The following UGCG variants were observed in gnomAD, a reference collection of about 807,000 sequenced individuals.
UGCG encodes UDP-glucose ceramide glucosyltransferase.
Under a neutral mutation model 49.5 loss-of-function variants are expected in UGCG, and 10 were observed. The observed-to-expected ratio is 0.20, with a 90% confidence interval of 0.12 to 0.34. The LOEUF (loss-of-function observed/expected upper bound fraction) is 0.34, where lower values mean the gene tolerates loss of function less well. UGCG is among the 10% of genes least tolerant of loss of function. UGCG has a pLI of 1.00. For missense variants in UGCG, 312 were observed against 483.7 expected, an observed-to-expected ratio of 0.65 and a Z score of 3.33; for synonymous variants, 182 against 158.2, an observed-to-expected ratio of 1.15 and a Z score of -1.13.
intron 1 of UGCG, among the ~76,000 whole-genome samples, chr9:111,901,597 G>A (rs187429925): frequency 2.0e-5 from 3 of 152,156 alleles, no homozygotes; most frequent in Non-Finnish European, 4.4e-5. Flanking sequence ...TAATACCTCG[G>A]TGATGGGATG....
At chr9:111,900,060 G>T (rs1316547155) in intron 1 of UGCG, among the ~76,000 whole-genome samples, 1 of 151,452 alleles carries the variant, frequency 6.6e-6, no homozygotes, top group Admixed American at 6.6e-5. Context: ...TGAGATTGAA[G>T]ATTTCCTAAA....
intron 1 of UGCG, among the ~76,000 whole-genome samples, chr9:111,906,545 T>C (rs1837887940): frequency 6.6e-6 from 1 of 152,204 alleles, no homozygotes; most frequent in Non-Finnish European, 1.5e-5. Flanking sequence ...TTCTCCTGCC[T>C]CAGCCTCCCG....
At chr9:111,910,340 A>C (rs1837973227) in intron 1 of UGCG, among the ~76,000 whole-genome samples, 1 of 152,206 alleles carries the variant, frequency 6.6e-6, no homozygotes, top group Non-Finnish European at 1.5e-5. Context: ...GTAGTTTAAT[A>C]GCACTTAAGG....
At chr9:111,931,492 T>G in intron 7 of UGCG, 135 bp downstream of exon 7, 1 of 713,172 alleles carries the variant, frequency 1.4e-6, no homozygotes, top group Non-Finnish European at 2.3e-6. Flanking sequence ...GAAAATAGAG[T>G]TTAACGTCTG....
chr9:111,902,535 A>G (rs1027441219), intron 1 of UGCG, among the ~76,000 whole-genome samples: 1 of 152,236 alleles, frequency 6.6e-6, no homozygotes, highest in Non-Finnish European at 1.5e-5. Context: ...GTCACTGGAA[A>G]TTGCTGGCAT....
intron 6 of UGCG, among the ~76,000 whole-genome samples, chr9:111,930,386 A>G (rs1838403729): frequency 6.6e-6 from 1 of 152,110 alleles, no homozygotes; most frequent in Non-Finnish European, 1.5e-5. Context: ...TCAGTGAATT[A>G]TATGATACTT....
In UGCG at chr9:111,929,677, C is replaced by T. The variant is rs1838385825; in HGVS notation, c.736C>T (p.Arg246Ter). The change falls in exon 6 of 9, where the codon CGA (arginine) becomes TGA (stop). Residue 246 changes from arginine (R) to a stop codon, truncating the protein, a stop_gained and splice_region_variant. Transcript: ENST00000374279. LOFTEE classifies it high-confidence loss of function. ...CTTTATGGCCAAAGCGATAGCTGAC[C>T]GGTAAGACAACTAAATGAAGCCATA... Reference protein sequence around the residue: ...DYFMAKAIADRGWRFAMSTQV... With the variant: ...DYFMAKAIAD 1 of 1,612,044 alleles carries T rather than the reference C, an allele frequency of 6.2e-7. No homozygotes were observed. The highest frequency in any genetic ancestry group is 8.5e-7 in the Non-Finnish European group (1 of 1,179,470).
At chr9:111,900,054 A>G (rs1052279839) in intron 1 of UGCG, among the ~76,000 whole-genome samples, 6 of 152,114 alleles carry the variant, frequency 3.9e-5, no homozygotes, top group Non-Finnish European at 8.8e-5. Context: ...TATTGTTGAG[A>G]TTGAAGATTT....
intron 4 of UGCG, among the ~76,000 whole-genome samples, chr9:111,925,990 T>G (rs1190209753): frequency 1.3e-5 from 2 of 152,226 alleles, no homozygotes; most frequent in African/African-American, 2.4e-5. Flanking sequence ...TAGTCTCATT[T>G]CCTATGGTTG....
At chr9:111,902,411 T>C (rs889083447) in intron 1 of UGCG, among the ~76,000 whole-genome samples, 1 of 152,232 alleles carries the variant, frequency 6.6e-6, no homozygotes, top group Non-Finnish European at 1.5e-5. Context: ...GAAGCCCATT[T>C]TGAAGCAATA....
intron 2 of UGCG, among the ~76,000 whole-genome samples, chr9:111,919,712 G>A (rs905466784): frequency 9.8e-5 from 14 of 142,684 alleles, no homozygotes; most frequent in Admixed American, 5.6e-4. Flanking sequence ...GGAGAATGGC[G>A]TGAACCCTGG....
In UGCG at chr9:111,899,028, A is replaced by G. The variant is rs1038346043; in HGVS notation, c.98+1715A>G. Among the ~76,000 whole-genome samples the G allele has an allele frequency of 3.9e-5, 6 of 152,184 alleles. No individual in the cohort carries two copies. The East Asian group carries it at 1.2e-3, about 29-fold the overall frequency. ...ATGTCTTGACCGTTTTTTGCATGTC[A>G]ATATCTGTATGATCTCTACATCATT... On this transcript the variant is annotated intron_variant, in intron 1 of 8. Coordinates refer to ENST00000374279, the MANE Select transcript of UGCG (RefSeq NM_003358.3).
chr9:111,919,102 G>A (rs1341160593), intron 2 of UGCG, among the ~76,000 whole-genome samples: 1 of 151,988 alleles, frequency 6.6e-6, no homozygotes. Context: ...TCTTGCTGGG[G>A]AAAATAAAAG....
intron 7 of UGCG, 128 bp from the exon 8 acceptor site, chr9:111,932,040 AAC>A: frequency 1.9e-6 from 2 of 1,049,234 alleles, no homozygotes; most frequent in African/African-American, 1.6e-5. Flanking sequence ...AAAAAAACAA[AAC>A]AAAAAAAGTT....
intron 1 of UGCG, among the ~76,000 whole-genome samples, chr9:111,902,106 C>T (rs1460593077): frequency 6.6e-6 from 1 of 152,074 alleles, no homozygotes; most frequent in Non-Finnish European, 1.5e-5. Context: ...TTTTTTCTTT[C>T]TCTTCCTTCT....
intron 6 of UGCG, among the ~76,000 whole-genome samples, chr9:111,930,279 T>C (rs1457092521): frequency 1.3e-5 from 2 of 152,204 alleles, no homozygotes; most frequent in Non-Finnish European, 2.9e-5. Flanking sequence ...ACTATATAGA[T>C]ACAAATTTCT....
chr9:111,929,764 TTTTAA>T (rs1261521020), intron 6 of UGCG, 86 bp downstream of exon 6: 3 of 1,477,936 alleles, frequency 2.0e-6, no homozygotes, highest in Non-Finnish European at 2.7e-6. Context: ...GATTAGGGCT[TTTTAA>T]TTTAATTTTA....
At position 111,900,078 on chromosome 9, in the gene UGCG, A is replaced by T. The variant is rs149228258; in HGVS notation, c.98+2765A>T. Among the ~76,000 whole-genome samples, 878 of 152,126 alleles carry T rather than the reference A, an allele frequency of 5.8e-3. 10 individuals carry two copies. The highest frequency in any genetic ancestry group is 0.02 in the African/African-American group (846 of 41,474). ...GATTGAAGATTTCCTAAAAATAACT[A>T]AAGAGTATAGCCTTGGCAAGTTAAA... is the stretch of plus-strand genomic sequence containing the variant. On this transcript the variant is annotated intron_variant, in intron 1 of 8. Coordinates refer to ENST00000374279, the MANE Select transcript of UGCG (RefSeq NM_003358.3).
intron 6 of UGCG, among the ~76,000 whole-genome samples, chr9:111,930,019 TG>T (rs1376336997): frequency 1.7e-4 from 26 of 152,264 alleles, no homozygotes; most frequent in African/African-American, 6.3e-4. Context: ...GGTTTCTTCA[TG>T]TTGGCCAGGC....
Sources: gnomAD v4.1 joint callset for allele counts (sites outside exome capture counted in the v4.1 genomes callset) on GRCh38, gnomAD v4.1.1 for gene constraint, MANE v1.5 for transcripts, NCBI Gene and HGNC (gene_info 2026-07-23, HGNC 2026-07-21) for gene names.